SPATA6: variants seen among roughly 807,000 people sequenced by gnomAD.
SPATA6 encodes spermatogenesis associated 6, also known as spermatogenesis-associated protein 6.
In SPATA6, 56 loss-of-function variants were observed where a neutral mutation model predicts 65.3. The ratio of observed to expected loss-of-function variants is 0.86; its 90% CI spans 0.69 to 1.07. SPATA6 has a LOEUF of 1.07. Ranked by LOEUF, SPATA6 falls within the 50% of genes least tolerant of loss-of-function variation. The pLI, the probability that SPATA6 is intolerant of heterozygous loss-of-function variation, is 0.00. For synonymous variants in SPATA6, 199 were observed against 213.2 expected, an observed-to-expected ratio of 0.93 and a Z score of 0.58; for missense variants, 590 against 594.8, an observed-to-expected ratio of 0.99 and a Z score of 0.08.
intron 11 of SPATA6, among the ~76,000 whole-genome samples, chr1:48,312,921 T>C (rs982544818): frequency 2.0e-5 from 3 of 152,154 alleles, no homozygotes; most frequent in Non-Finnish European, 4.4e-5. Context: ...AGTAGCTGAT[T>C]CAATCAACTG....
intron 1 of SPATA6, among the ~76,000 whole-genome samples, chr1:48,454,866 T>C (rs747317520): frequency 3.1e-4 from 47 of 152,288 alleles, no homozygotes; most frequent in Non-Finnish European, 4.6e-4. Flanking sequence ...TGACAGAACA[T>C]TCATTAATAC....
At chr1:48,334,249 A>T (rs1645997596) in intron 11 of SPATA6, among the ~76,000 whole-genome samples, 1 of 151,998 alleles carries the variant, frequency 6.6e-6, no homozygotes, top group African/African-American at 2.4e-5. Flanking sequence ...CCCAAAATTG[A>T]GGAGGAGCTA....
intron 3 of SPATA6, among the ~76,000 whole-genome samples, chr1:48,424,903 G>A (rs1016177104): frequency 6.6e-6 from 1 of 152,108 alleles, no homozygotes; most frequent in Admixed American, 6.5e-5. Context: ...CCTTATCAGA[G>A]GGGCAGTTTG....
At chr1:48,312,214 G>C (rs539942138) in intron 11 of SPATA6, among the ~76,000 whole-genome samples, 6 of 152,334 alleles carry the variant, frequency 3.9e-5, no homozygotes, top group African/African-American at 1.4e-4. Flanking sequence ...TTTGAAGAGA[G>C]TAGTGGTTCT....
chr1:48,304,994 G>C (rs1645026591), intron 12 of SPATA6, among the ~76,000 whole-genome samples: 1 of 152,102 alleles, frequency 6.6e-6, no homozygotes, highest in Non-Finnish European at 1.5e-5. Flanking sequence ...ACTGTTTAAA[G>C]AGAGGCCTAG....
intron 3 of SPATA6, among the ~76,000 whole-genome samples, chr1:48,423,016 T>C (rs961861341): frequency 6.6e-6 from 1 of 152,118 alleles, no homozygotes; most frequent in Non-Finnish European, 1.5e-5. Context: ...CATTAAAGAA[T>C]GAACTACTGG....
At chr1:48,332,119 C>G (rs1645933183) in intron 11 of SPATA6, among the ~76,000 whole-genome samples, 1 of 152,170 alleles carries the variant, frequency 6.6e-6, no homozygotes, top group African/African-American at 2.4e-5. Flanking sequence ...CCAGGCACTA[C>G]AAAAACGCAT....
At chr1:48,374,451 T>C (rs770892587) in intron 9 of SPATA6, among the ~76,000 whole-genome samples, 8 of 152,194 alleles carry the variant, frequency 5.3e-5, no homozygotes, top group Non-Finnish European at 8.8e-5. Context: ...TTTGCATTCA[T>C]ATGGCTTAAC....
chr1:48,416,554 C>T (rs1460195674), intron 3 of SPATA6, among the ~76,000 whole-genome samples: 1 of 152,088 alleles, frequency 6.6e-6, no homozygotes, highest in Non-Finnish European at 1.5e-5. Context: ...TAAAACCTTA[C>T]AACAAATAAA....
Position 48,355,683 on chromosome 1 carries a change from T to C in SPATA6, c.1181A>G (p.Gln394Arg), listed in dbSNP as rs769969008. The change falls in exon 11 of 13, where the codon CAA (glutamine) becomes CGA (arginine). Residue 394 changes from glutamine (Q) to arginine (R), a missense_variant. Coordinates refer to ENST00000371847, the MANE Select transcript of SPATA6 (RefSeq NM_019073.4). ...KNVLKSHQAH[Q>R]RHLYDERDLE... is the part of the protein sequence containing the mutation. ...TTAGAAACTAACATATAAATGTCTT[T>C]GATGAGCCTGATGTGATTTCAAGAC... 13 of 1,610,840 alleles carry C rather than the reference T, an allele frequency of 8.1e-6. No homozygotes were observed. Among genetic ancestry groups the C allele is most frequent in the Middle Eastern group, 1.7e-4 (1 of 6,038 alleles).
At chr1:48,316,709 G>A (rs1165711386) in intron 11 of SPATA6, among the ~76,000 whole-genome samples, 1 of 152,158 alleles carries the variant, frequency 6.6e-6, no homozygotes, top group African/African-American at 2.4e-5. Context: ...AAGAGCTTCT[G>A]CACAGCAAAA....
intron 8 of SPATA6, among the ~76,000 whole-genome samples, chr1:48,386,756 T>C (rs530110569): frequency 6.6e-6 from 1 of 152,320 alleles, no homozygotes; most frequent in African/African-American, 2.4e-5. Context: ...TGCCGGGAGA[T>C]TGTACCATGC....
chr1:48,355,881 A>G (rs1415178911), intron 10 of SPATA6, 112 bp from the exon 11 acceptor site: 1 of 759,822 alleles, frequency 1.3e-6, no homozygotes, highest in Non-Finnish European at 2.2e-6. Context: ...AAAGGTTGGC[A>G]TACATTGGGG....
intron 9 of SPATA6, among the ~76,000 whole-genome samples, chr1:48,362,377 A>T (rs1375185278): frequency 2.0e-5 from 3 of 152,218 alleles, no homozygotes; most frequent in African/African-American, 2.4e-5. Flanking sequence ...ATCAATTTCA[A>T]TGTCAATTGA....
intron 8 of SPATA6, among the ~76,000 whole-genome samples, chr1:48,388,005 T>C (rs1178949652): frequency 6.6e-6 from 1 of 152,036 alleles, no homozygotes; most frequent in Admixed American, 6.6e-5. Flanking sequence ...AGCATCTGAG[T>C]AGGCCAACTA....
intron 3 of SPATA6, among the ~76,000 whole-genome samples, chr1:48,442,735 A>C (rs937403404): frequency 6.7e-5 from 10 of 150,316 alleles, no homozygotes; most frequent in East Asian, 3.9e-4. Context: ...AAAAAAAAAA[A>C]AAAAAAAAAA....
At chr1:48,262,711 A>G in the SPATA6 span, 1 of 152,190 alleles carries the variant, frequency 6.6e-6, no homozygotes, top group African/African-American at 2.4e-5. Flanking sequence ...ATGCAAGAAT[A>G]TTGCAATAAA....
chr1:48,340,880 AC>A (rs1453421701), intron 11 of SPATA6, among the ~76,000 whole-genome samples: 1 of 152,216 alleles, frequency 6.6e-6, no homozygotes, highest in African/African-American at 2.4e-5. Flanking sequence ...TGTCAGATAA[AC>A]CACATTTGCA....
At chr1:48,381,510 G>C (rs184776849) in intron 9 of SPATA6, among the ~76,000 whole-genome samples, 6 of 152,074 alleles carry the variant, frequency 3.9e-5, no homozygotes, top group Admixed American at 3.9e-4. Flanking sequence ...TTTTATCATA[G>C]TTAAAGTATG....
Sources: gnomAD v4.1 joint callset for allele counts (sites outside exome capture counted in the v4.1 genomes callset) on GRCh38, gnomAD v4.1.1 for gene constraint, MANE v1.5 for transcripts, NCBI Gene and HGNC (gene_info 2026-07-23, HGNC 2026-07-21) for gene names.